The following TESK2 variants were observed in gnomAD, a reference collection of about 807,000 sequenced individuals.
TESK2 encodes the protein dual specificity testis-specific protein kinase 2.
TESK2 carries 39 observed loss-of-function variants against 57.1 expected under a neutral mutation model. The ratio of observed to expected loss-of-function variants is 0.68; its 90% CI spans 0.53 to 0.89. The LOEUF (loss-of-function observed/expected upper bound fraction) is 0.89. Ranked by LOEUF, TESK2 falls within the 40% of genes least tolerant of loss-of-function variation. The pLI, the probability that TESK2 is intolerant of heterozygous loss-of-function variation, is 0.00. For synonymous variants in TESK2, 249 were observed against 267.9 expected (o/e 0.93, Z 0.69); for missense variants, 646 against 732.1 (o/e 0.88, Z 1.36).
At chr1:45,422,141 T>C (rs1650503074) in intron 2 of TESK2, among the ~76,000 whole-genome samples, 1 of 152,174 alleles carries the variant, frequency 6.6e-6, no homozygotes, top group South Asian at 2.1e-4. Flanking sequence ...TCATGTCCTT[T>C]GCAGGGACAT....
chr1:45,408,678 A>G (rs1649934418), intron 3 of TESK2, among the ~76,000 whole-genome samples: 1 of 152,210 alleles, frequency 6.6e-6, no homozygotes. Context: ...CATTTTCTCC[A>G]GGAAAAAATC....
At chr1:45,437,630 G>A (rs368544815) in intron 2 of TESK2, among the ~76,000 whole-genome samples, 2 of 152,086 alleles carry the variant, frequency 1.3e-5, no homozygotes, top group African/African-American at 4.8e-5. Context: ...CCAGTTTTCA[G>A]AGAAAAGGCT....
At chr1:45,410,649 G>T (rs928208041) in intron 3 of TESK2, among the ~76,000 whole-genome samples, 1 of 151,710 alleles carries the variant, frequency 6.6e-6, no homozygotes, top group Non-Finnish European at 1.5e-5. Flanking sequence ...ATTTATTCTG[G>T]AACACACTCC....
intron 4 of TESK2, among the ~76,000 whole-genome samples, chr1:45,381,235 C>T (rs1267695505): frequency 6.6e-6 from 1 of 152,150 alleles, no homozygotes; most frequent in Non-Finnish European, 1.5e-5. Context: ...TTATGATCTG[C>T]TGACTGGGAT....
rs531820834 is a variant in TESK2 at position 45,390,202 on chromosome 1, G to A, written c.345-4242C>T. On this transcript the variant is annotated intron_variant, in intron 3 of 10. Transcript: ENST00000372086. ...TCCTGGCACTTGGGGAGGCCAAGGC[G>A]GGCAGATCTCTTGAGCCCAGGAGAT... 6.4e-4 allele frequency among the ~76,000 whole-genome samples: 97 copies of A among 152,232 alleles called. 1 individual carries two copies. The highest frequency in any genetic ancestry group is 2.2e-3 in the Admixed American group (34 of 15,282).
chr1:45,452,299 G>C (rs1317511215), intron 2 of TESK2, among the ~76,000 whole-genome samples: 3 of 151,984 alleles, frequency 2.0e-5, no homozygotes, highest in Non-Finnish European at 4.4e-5. Context: ...ACATTGGACA[G>C]GCTTTGTGTT....
intron 4 of TESK2, among the ~76,000 whole-genome samples, chr1:45,368,533 C>G (rs1212441812): frequency 6.6e-6 from 1 of 151,716 alleles, no homozygotes; most frequent in Non-Finnish European, 1.5e-5. Flanking sequence ...GCCACCACGC[C>G]CGGCTAATTT....
chr1:45,407,121 T>A (rs1474644638), intron 3 of TESK2, among the ~76,000 whole-genome samples: 2 of 152,200 alleles, frequency 1.3e-5, no homozygotes, highest in African/African-American at 4.8e-5. Flanking sequence ...GGTCTTGCTC[T>A]GTCACACAGG....
Position 45,442,081 on chromosome 1 carries a change from C to T in TESK2, c.222+15483G>A, listed in dbSNP as rs144900420. Among the ~76,000 whole-genome samples the T allele has an allele frequency of 2.9e-3, 437 of 152,226 alleles. 3 individuals are homozygous for T. Among genetic ancestry groups the T allele is most frequent in the East Asian group, 0.018 (91 of 5,174 alleles). On this transcript the variant is annotated intron_variant, in intron 2 of 10. Coordinates refer to ENST00000372086, the MANE Select transcript of TESK2 (RefSeq NM_007170.3). Reference sequence around the variant, plus strand: ...CCTCCCGAGTAGCTGGGATTACACGCATGCACCACCATGCCTGGCTAATTC... The same window carrying T: ...CCTCCCGAGTAGCTGGGATTACACGTATGCACCACCATGCCTGGCTAATTC...
intron 1 of TESK2, among the ~76,000 whole-genome samples, chr1:45,485,522 TA>T (rs1277885687): frequency 1.6e-4 from 12 of 76,014 alleles, no homozygotes; most frequent in East Asian, 7.3e-4. Flanking sequence ...TTTTTTATTT[TA>T]TTTTTTTTTT....
intron 4 of TESK2, among the ~76,000 whole-genome samples, chr1:45,375,403 A>G (rs1570664339): frequency 6.8e-6 from 1 of 146,692 alleles, no homozygotes; most frequent in Admixed American, 6.9e-5. Flanking sequence ...TTTGATATCC[A>G]CACAGCTAGT....
In TESK2 at chr1:45,448,690, C is replaced by T. The variant is rs146435490; in HGVS notation, c.222+8874G>A. Among the ~76,000 whole-genome samples, 84 of 152,266 alleles carry T rather than the reference C, an allele frequency of 5.5e-4. No individual in the cohort carries two copies. The East Asian group carries it at 0.013, about 23-fold the overall frequency. On this transcript the variant is annotated intron_variant, in intron 2 of 10. Coordinates refer to ENST00000372086, the MANE Select transcript of TESK2 (RefSeq NM_007170.3). ...GGTACTAAACCATTCATGAGGGATC[C>T]ACTACCATGATCCAATCACTTCCCA...
rs1652001328 is a variant in TESK2, at chr1:45,454,634, C to G, written c.222+2930G>C. On this transcript the variant is annotated intron_variant, in intron 2 of 10. Transcript: ENST00000372086. ...TAATCTTTTCTTAAACATAGAATTACTCATATGACTCAGCAATTCTATTTA... is the reference window on the plus strand; with the variant it reads ...TAATCTTTTCTTAAACATAGAATTAGTCATATGACTCAGCAATTCTATTTA... Among the ~76,000 whole-genome samples the G allele has an allele frequency of 2.0e-5, 3 of 152,042 alleles. No homozygotes were observed. In the South Asian group the frequency reaches 6.2e-4, roughly 32 times the overall value.
At chr1:45,369,774 C>CA (rs1420124769) in intron 4 of TESK2, among the ~76,000 whole-genome samples, 4 of 150,864 alleles carry the variant, frequency 2.7e-5, no homozygotes, top group Admixed American at 6.6e-5. Context: ...TGCAGCGGTA[C>CA]AATCTCAGCT....
At chr1:45,427,900 A>G (rs974947778) in intron 2 of TESK2, among the ~76,000 whole-genome samples, 1 of 152,218 alleles carries the variant, frequency 6.6e-6, no homozygotes, top group African/African-American at 2.4e-5. Flanking sequence ...ATAACAGAGT[A>G]TAATTGGAAT....
chr1:45,463,907 C>T (rs59044760), intron 1 of TESK2, among the ~76,000 whole-genome samples: 6,059 of 152,072 alleles, frequency 0.04, 428 homozygotes, highest in African/African-American at 0.14. Flanking sequence ...GGTTTTTATG[C>T]CAGTATTCTC....
chr1:45,388,910 CG>C (rs1229344949), intron 3 of TESK2, among the ~76,000 whole-genome samples: 1 of 151,882 alleles, frequency 6.6e-6, no homozygotes, highest in Non-Finnish European at 1.5e-5. Context: ...TTAGTAGGGA[CG>C]GGGTTTCACC....
chr1:45,368,391 T>A (rs1354456528), intron 4 of TESK2, among the ~76,000 whole-genome samples: 1 of 152,070 alleles, frequency 6.6e-6, no homozygotes, highest in Non-Finnish European at 1.5e-5. Context: ...TGTTTTGTTT[T>A]TCAGACGGAG....
intron 3 of TESK2, among the ~76,000 whole-genome samples, chr1:45,400,102 C>A (rs1214051004): frequency 6.6e-6 from 1 of 152,060 alleles, no homozygotes; most frequent in Non-Finnish European, 1.5e-5. Context: ...AGTTGCTGGT[C>A]AGAAGACTTT....
Sources: allele counts gnomAD v4.1 joint callset (sites outside exome capture counted in the v4.1 genomes callset), GRCh38; gene constraint gnomAD v4.1.1; transcripts MANE v1.5; gene names NCBI Gene and HGNC (gene_info 2026-07-23, HGNC 2026-07-21).